Variants in MEGF6 observed in about 807,000 individuals in gnomAD.
The protein encoded by MEGF6 is multiple EGF like domains 6, also known as multiple epidermal growth factor-like domains protein 6.
In MEGF6, 184 loss-of-function variants were observed where a neutral mutation model predicts 207.1. That is an observed-to-expected ratio of 0.89 (90% confidence interval 0.79 to 1.00). The LOEUF is 1.00. Among genes scored for constraint, MEGF6 ranks in the 50% least tolerant of loss-of-function variants. The probability of loss-of-function intolerance (pLI) is 0.00; values close to 1 mark genes in which losing one functional copy is unlikely to be tolerated. For missense variants in MEGF6, 2,282 were observed against 2,202.9 expected (o/e 1.04, Z -0.72); for synonymous variants, 1,038 against 910.0 (o/e 1.14, Z -2.53).
chr1:3,534,098 GC>G (rs1642255232), intron 4 of MEGF6, among the ~76,000 whole-genome samples: 2 of 152,146 alleles, frequency 1.3e-5, no homozygotes, highest in African/African-American at 4.8e-5. Context: ...GGAAGGTCAG[GC>G]ACTCGGAGTC....
chr1:3,549,765 G>A (rs1032183897), intron 4 of MEGF6, among the ~76,000 whole-genome samples: 15 of 152,232 alleles, frequency 9.9e-5, no homozygotes, highest in Non-Finnish European at 1.9e-4. Context: ...GGAACCACCC[G>A]GAGGCTGACC....
chr1:3,544,368 C>CA (rs141579753), intron 4 of MEGF6, among the ~76,000 whole-genome samples: 4,341 of 152,280 alleles, frequency 0.029, 208 homozygotes, highest in African/African-American at 0.097. Context: ...CCTCTGCCCC[C>CA]AGCACCGTCT....
chr1:3,586,822 C>A (rs541618576), intron 3 of MEGF6, among the ~76,000 whole-genome samples: 17 of 152,308 alleles, frequency 1.1e-4, no homozygotes, highest in Non-Finnish European at 2.2e-4. Context: ...GGGAGGGAGA[C>A]CTGCCGGGCC....
At chr1:3,550,359 C>T (rs1346666696) in intron 4 of MEGF6, among the ~76,000 whole-genome samples, 2 of 152,178 alleles carry the variant, frequency 1.3e-5, no homozygotes, top group African/African-American at 4.8e-5. Context: ...GTGAAAGGAG[C>T]CCATCTCGAG....
At chr1:3,590,638 G>A (rs747530862) in intron 3 of MEGF6, among the ~76,000 whole-genome samples, 10 of 152,170 alleles carry the variant, frequency 6.6e-5, no homozygotes, top group Non-Finnish European at 1.2e-4. Flanking sequence ...TGTCCTCCAC[G>A]GCCGGGTGTC....
At chr1:3,613,386 C>A (rs546260218), upstream of MEGF6, among the ~76,000 whole-genome samples, 2 of 152,334 alleles carry the variant, frequency 1.3e-5, no homozygotes, top group East Asian at 3.9e-4. Flanking sequence ...CTCCCCCACC[C>A]TGAGAGCTGT....
rs1350475514 is a variant in MEGF6, at chr1:3,492,823, G to A, written c.4388-56C>T. The A allele has an allele frequency of 1.3e-5, 20 of 1,577,998 alleles. No individual in the cohort carries two copies. The South Asian group carries it at 1.3e-4, about 11-fold the overall frequency. ...TGAGCATCATCCTTGCCTTCCCCGC[G>A]CCAAGGAGCCTGGGCCTAGGGGCCC... On this transcript the variant is annotated intron_variant, in intron 34 of 36. Coordinates refer to ENST00000356575, the MANE Select transcript of MEGF6 (RefSeq NM_001409.4).
At chr1:3,499,078 G>T in intron 24 of MEGF6, 60 bp downstream of exon 24, 1 of 1,576,410 alleles carries the variant, frequency 6.3e-7, no homozygotes, top group Non-Finnish European at 8.6e-7. Context: ...GGCCCTGCAA[G>T]AGGCCAGCAC....
chr1:3,543,622 C>G (rs1427454975), intron 4 of MEGF6, among the ~76,000 whole-genome samples: 1 of 152,230 alleles, frequency 6.6e-6, no homozygotes, highest in Non-Finnish European at 1.5e-5. Flanking sequence ...AGCGTCGGCA[C>G]TGCTGGGAGG....
intron 4 of MEGF6, among the ~76,000 whole-genome samples, chr1:3,566,707 G>A (rs1643352714): frequency 6.6e-6 from 1 of 152,180 alleles, no homozygotes; most frequent in African/African-American, 2.4e-5. Context: ...GGGCTGGAGA[G>A]GCCACAGAGT....
chr1:3,582,188 T>C (rs1643813778), intron 3 of MEGF6, among the ~76,000 whole-genome samples: 1 of 152,160 alleles, frequency 6.6e-6, no homozygotes, highest in East Asian at 1.9e-4. Context: ...TTGCTCTTCA[T>C]CCTGGGCTAG....
intron 4 of MEGF6, among the ~76,000 whole-genome samples, chr1:3,549,548 G>A (rs1157279899): frequency 6.6e-6 from 1 of 152,216 alleles, no homozygotes; most frequent in Admixed American, 6.5e-5. Flanking sequence ...GCTCGGGTCT[G>A]GGCTGGCTGG....
At position 3,514,636 on chromosome 1, in the gene MEGF6, A is replaced by G. The variant is rs761170719; in HGVS notation, c.767T>C (p.Met256Thr). 15 of 1,581,926 alleles carry G rather than the reference A, an allele frequency of 9.5e-6. No individual in the cohort carries two copies. The Admixed American group carries it at 2.5e-4, about 26-fold the overall frequency. Reference protein sequence around the residue: ...SPCANRNGSCMHRCQVVRGLA... With the variant: ...SPCANRNGSCTHRCQVVRGLA... Reference sequence around the variant, plus strand: ...GCCCCGGACCACCTGGCACCTGTGCATGCAGCTGCCGTTCCTGTTGGCACA... The same window carrying G: ...GCCCCGGACCACCTGGCACCTGTGCGTGCAGCTGCCGTTCCTGTTGGCACA... Residue 256 changes from methionine to threonine, a missense_variant, in exon 7 of 37, where the codon ATG (methionine) becomes ACG (threonine). Coordinates refer to ENST00000356575, the MANE Select transcript of MEGF6 (RefSeq NM_001409.4).
intron 20 of MEGF6, 51 bp downstream of exon 20, chr1:3,500,915 G>C: frequency 2.5e-6 from 4 of 1,609,926 alleles, no homozygotes; most frequent in Non-Finnish European, 8.5e-7. Flanking sequence ...CTCTCCAGGG[G>C]CTAGGAAAGG....
chr1:3,511,828 C>T, intron 8 of MEGF6, 141 bp from the exon 9 acceptor site: 1 of 1,446,264 alleles, frequency 6.9e-7, no homozygotes, highest in Non-Finnish European at 9.3e-7. Context: ...GCTCCCAGGC[C>T]TTGTTGGGTC....
intron 29 of MEGF6, 69 bp from the exon 30 acceptor site, chr1:3,496,087 GGA>G (rs1640592696): frequency 6.9e-7 from 1 of 1,441,618 alleles, no homozygotes. Context: ...CCCGGAGTGG[GGA>G]TAGGACAGGA....
At chr1:3,506,296 C>T in intron 14 of MEGF6, 60 bp from the exon 15 acceptor site, 2 of 1,576,382 alleles carry the variant, frequency 1.3e-6, no homozygotes, top group Non-Finnish European at 1.7e-6. Flanking sequence ...CATGTGGTCC[C>T]CCCATGTGGT....
intron 4 of MEGF6, among the ~76,000 whole-genome samples, chr1:3,568,880 G>C (rs1008928630): frequency 9.2e-5 from 14 of 152,166 alleles, no homozygotes; most frequent in African/African-American, 3.4e-4. Flanking sequence ...ACAGGGTGCA[G>C]GTCTGCACCC....
rs1013483280 is a variant in MEGF6 at position 3,560,454 on chromosome 1, A to T, written c.481+19371T>A. Among the ~76,000 whole-genome samples, 5 of 151,966 alleles carry T rather than the reference A, an allele frequency of 3.3e-5. No homozygotes were observed. The highest frequency in any genetic ancestry group is 7.4e-5 in the Non-Finnish European group (5 of 67,966). ...CCTAAAAATCCTCTGTGCTCCGCCT[A>T]TTCACCCCTTCCTCCCTCCTTCCTC... On this transcript the variant is annotated intron_variant, in intron 4 of 36. Transcript: ENST00000356575. The surrounding 1 kb of genome is among the most constrained non-coding windows in gnomAD (Gnocchi z 4.0).
Sources: gnomAD v4.1 joint callset for allele counts (sites outside exome capture counted in the v4.1 genomes callset) on GRCh38, gnomAD v4.1.1 for gene constraint, Gnocchi (gnomAD v3.1) non-coding constraint, MANE v1.5 for transcripts, NCBI Gene and HGNC (gene_info 2026-07-23, HGNC 2026-07-21) for gene names.